PCDH7: variants seen among roughly 807,000 people sequenced by gnomAD.
PCDH7 encodes protocadherin 7.
In PCDH7, 17 loss-of-function variants were observed where a neutral mutation model predicts 58.9. The observed-to-expected ratio is 0.29, with a 90% confidence interval of 0.20 to 0.43. The LOEUF is 0.43. PCDH7 is among the 20% of genes least tolerant of loss of function. PCDH7 has a pLI of 1.00. For missense variants in PCDH7, 1,274 were observed against 1,441.0 expected (o/e 0.88, Z 1.88); for synonymous variants, 664 against 616.4 (o/e 1.08, Z -1.14).
At chr4:30,724,045 A>G in exon 1 of PCDH7, 1 of 1,614,140 alleles carries the variant, frequency 6.2e-7, no homozygotes, top group Non-Finnish European at 8.5e-7. Context: ...TGAAATTAGC[A>G]AACAGAGACT....
At chr4:30,801,331 A>C (rs907928091) in intron 1 of PCDH7, among the ~76,000 whole-genome samples, 3 of 152,200 alleles carry the variant, frequency 2.0e-5, no homozygotes, top group South Asian at 4.1e-4. Context: ...CATGCAAGTA[A>C]ATGAAATACC....
At chr4:31,057,176 A>T (rs1468234687) in intron 3 of PCDH7, among the ~76,000 whole-genome samples, 1 of 152,172 alleles carries the variant, frequency 6.6e-6, no homozygotes, top group African/African-American at 2.4e-5. Flanking sequence ...TTACTTTCAT[A>T]AGTAGAAAAG....
At chr4:31,078,274 A>G (rs987159307) in intron 3 of PCDH7, among the ~76,000 whole-genome samples, 12 of 151,850 alleles carry the variant, frequency 7.9e-5, no homozygotes, top group Admixed American at 3.3e-4. Flanking sequence ...AGTACATAAA[A>G]CCAATTCTCT....
chr4:30,756,532 T>A (rs1371437365), intron 1 of PCDH7, among the ~76,000 whole-genome samples: 29 of 152,202 alleles, frequency 1.9e-4, no homozygotes, highest in Admixed American at 1.8e-3. Context: ...ACCATTACAT[T>A]GTGCTGACAC....
At chr4:30,795,849 A>G (rs1219078266) in intron 1 of PCDH7, among the ~76,000 whole-genome samples, 2 of 152,204 alleles carry the variant, frequency 1.3e-5, no homozygotes, top group Non-Finnish European at 2.9e-5. Flanking sequence ...AATAAAAATG[A>G]TTAATGATCA....
chr4:31,093,528 A>G (rs1383532925), intron 3 of PCDH7, among the ~76,000 whole-genome samples: 3 of 152,072 alleles, frequency 2.0e-5, no homozygotes, highest in Admixed American at 6.6e-5. Flanking sequence ...CATAAGGCCC[A>G]TATTTGTTTT....
intron 2 of PCDH7, among the ~76,000 whole-genome samples, chr4:30,930,967 A>C (rs1388438500): frequency 6.6e-6 from 1 of 152,158 alleles, no homozygotes; most frequent in Non-Finnish European, 1.5e-5. Context: ...AACAAACAAA[A>C]AAATAAAAAC....
intron 1 of PCDH7, among the ~76,000 whole-genome samples, chr4:30,817,721 G>A (rs1178048658): frequency 6.6e-6 from 1 of 151,904 alleles, no homozygotes; most frequent in Non-Finnish European, 1.5e-5. Context: ...GGTCATGCAT[G>A]TTATTGTGTT....
chr4:31,079,929 G>C lies in PCDH7; in HGVS notation c.*8-62544G>C, dbSNP rs150113787. Among the ~76,000 whole-genome samples, 40 of 152,110 alleles carry C rather than the reference G, an allele frequency of 2.6e-4. No individual in the cohort carries two copies. In the East Asian group the frequency reaches 7.5e-3, roughly 29 times the overall value. The stretch of plus-strand genomic sequence containing the variant: ...ATAAAAAAGGAACACAAAATGATGA[G>C]GGAAAGAATATAATACAAATAAAAT... On this transcript the variant is annotated intron_variant, in intron 3 of 3. Transcript: ENST00000509759.
At chr4:30,950,923 C>G (rs182278899) in intron 3 of PCDH7, among the ~76,000 whole-genome samples, 14 of 152,272 alleles carry the variant, frequency 9.2e-5, no homozygotes, top group Admixed American at 7.9e-4. Context: ...GAGTCATAAC[C>G]TATAAAACAT....
chr4:31,044,375 T>C (rs1173399866), intron 3 of PCDH7, among the ~76,000 whole-genome samples: 3 of 152,076 alleles, frequency 2.0e-5, no homozygotes, highest in Non-Finnish European at 4.4e-5. Flanking sequence ...GTAAATTTTA[T>C]ATCCCATATT....
intron 1 of PCDH7, chr4:30,884,692 T>C (rs1319792573): frequency 1.3e-5 from 2 of 152,126 alleles, no homozygotes; most frequent in Non-Finnish European, 2.9e-5. Flanking sequence ...GAATGGAGAA[T>C]ACAAGGGCCA....
At chr4:30,730,027 A>G (rs1325172325) in intron 1 of PCDH7, among the ~76,000 whole-genome samples, 1 of 151,836 alleles carries the variant, frequency 6.6e-6, no homozygotes, top group Non-Finnish European at 1.5e-5. Context: ...ACAGCAATCT[A>G]CTCTATTAAA....
chr4:30,800,015 G>A (rs1024459921), intron 1 of PCDH7, among the ~76,000 whole-genome samples: 4 of 150,646 alleles, frequency 2.7e-5, no homozygotes, highest in African/African-American at 4.9e-5. Flanking sequence ...CACCACACCC[G>A]GCTATTTTTT....
At position 30,841,317 on chromosome 4, in the gene PCDH7, G is replaced by C. The variant is rs143725631; in HGVS notation, c.71-78836G>C. On this transcript the variant is annotated intron_variant, in intron 1 of 3. Coordinates refer to the PCDH7 transcript ENST00000509759. ...ATATTTTTCCGGAGGTTTTTATAGG[G>C]GAAATGATTTCTCAAATTTCATCTT... 1.9e-3 allele frequency among the ~76,000 whole-genome samples: 294 copies of C among 152,056 alleles called. 3 individuals are homozygous for C. In the East Asian group the frequency reaches 0.021, roughly 11 times the overall value.
intron 1 of PCDH7, among the ~76,000 whole-genome samples, chr4:30,792,073 T>A (rs916457506): frequency 6.6e-6 from 1 of 152,214 alleles, no homozygotes; most frequent in Non-Finnish European, 1.5e-5. Context: ...TATTAAGTGA[T>A]AAGATTTCAG....
At chr4:31,063,771 A>G (rs1370281707) in intron 3 of PCDH7, among the ~76,000 whole-genome samples, 1 of 151,954 alleles carries the variant, frequency 6.6e-6, no homozygotes, top group Non-Finnish European at 1.5e-5. Flanking sequence ...GATTGAATGA[A>G]CAGGTGTTAG....
chr4:30,973,316 G>T (rs920534670), intron 3 of PCDH7, among the ~76,000 whole-genome samples: 4 of 152,118 alleles, frequency 2.6e-5, no homozygotes, highest in African/African-American at 9.7e-5. Context: ...GGAAGACAGG[G>T]GATATTGGTG....
intron 3 of PCDH7, among the ~76,000 whole-genome samples, chr4:31,045,985 T>C (rs1480974613): frequency 1.3e-5 from 2 of 152,024 alleles, no homozygotes; most frequent in Non-Finnish European, 2.9e-5. Context: ...TGCTGTGCAA[T>C]ACTTGAAGAG....
Sources: allele counts gnomAD v4.1 joint callset (sites outside exome capture counted in the v4.1 genomes callset), GRCh38; gene constraint gnomAD v4.1.1; transcripts MANE v1.5; gene names NCBI Gene and HGNC (gene_info 2026-07-23, HGNC 2026-07-21).